STX8: variants seen among roughly 807,000 people sequenced by gnomAD.
STX8 encodes syntaxin-8.
In STX8, 23 loss-of-function variants were observed where a neutral mutation model predicts 37.5. The ratio of observed to expected loss-of-function variants is 0.61; its 90% CI spans 0.44 to 0.87. The LOEUF (loss-of-function observed/expected upper bound fraction) is 0.87, where lower values mean the gene tolerates loss of function less well. Ranked by LOEUF, STX8 falls within the 40% of genes least tolerant of loss-of-function variation. The pLI is 0.00. For synonymous variants in STX8, 115 were observed against 99.1 expected, an observed-to-expected ratio of 1.16 and a Z score of -0.95; for missense variants, 313 against 284.7, an observed-to-expected ratio of 1.10 and a Z score of -0.71.
At chr17:9,378,821 A>G (rs1353016302) in intron 6 of STX8, among the ~76,000 whole-genome samples, 168 bp from the exon 7 acceptor site, 2 of 151,250 alleles carry the variant, frequency 1.3e-5, no homozygotes, top group Non-Finnish European at 3.0e-5. Context: ...TGTAAAAGGA[A>G]AAAAAAAAGC....
intron 6 of STX8, among the ~76,000 whole-genome samples, chr17:9,436,641 G>GAAGAGCTGGCTGAAAACATCTGA (rs371994501): frequency 2.6e-5 from 4 of 152,308 alleles, no homozygotes; most frequent in Admixed American, 6.5e-5. Context: ...GGTGGATGAT[G>GAAGAGCTGGCTGAAAACATCTGA]AAGAGCTGGC....
chr17:9,308,182 A>G (rs543409069), intron 7 of STX8, among the ~76,000 whole-genome samples: 2 of 152,300 alleles, frequency 1.3e-5, no homozygotes, highest in South Asian at 4.1e-4. Context: ...TAATAGTAAT[A>G]GACTGAGTGG....
At chr17:9,330,774 T>C (rs992394131) in intron 7 of STX8, among the ~76,000 whole-genome samples, 6 of 152,144 alleles carry the variant, frequency 3.9e-5, no homozygotes, top group Non-Finnish European at 7.3e-5. Context: ...TGAGCCCCTA[T>C]TCAGAGGGGG....
intron 6 of STX8, among the ~76,000 whole-genome samples, chr17:9,479,262 G>A (rs534649622): frequency 1.1e-3 from 172 of 152,176 alleles, no homozygotes; most frequent in African/African-American, 3.7e-3. Flanking sequence ...GGCCAGGCGC[G>A]GTGGCTCACT....
intron 6 of STX8, among the ~76,000 whole-genome samples, chr17:9,425,958 G>A (rs568280883): frequency 6.6e-6 from 1 of 152,144 alleles, no homozygotes; most frequent in South Asian, 2.1e-4. Context: ...GCTGAAACAT[G>A]GCTCCAAAGT....
intron 6 of STX8, among the ~76,000 whole-genome samples, chr17:9,414,121 T>TCCAA (rs1453115655): frequency 2.1e-4 from 2 of 9,434 alleles, no homozygotes; most frequent in Non-Finnish European, 2.0e-4. Flanking sequence ...CATCCATCCA[T>TCCAA]CCATCCAACC....
intron 4 of STX8, among the ~76,000 whole-genome samples, chr17:9,525,625 C>T (rs986783684): frequency 2.0e-5 from 3 of 152,136 alleles, no homozygotes; most frequent in East Asian, 1.9e-4. Context: ...GGATTACAAG[C>T]GTGAGCCACC....
chr17:9,303,828 C>A (rs1278146117), intron 7 of STX8, among the ~76,000 whole-genome samples: 1 of 151,778 alleles, frequency 6.6e-6, no homozygotes, highest in Non-Finnish European at 1.5e-5. Context: ...CAAACAAAAC[C>A]ATTAAAGGTC....
intron 6 of STX8, among the ~76,000 whole-genome samples, chr17:9,460,140 C>T (rs1009723504): frequency 6.6e-6 from 1 of 152,104 alleles, no homozygotes; most frequent in African/African-American, 2.4e-5. Flanking sequence ...GTTGAGTATA[C>T]ATCTTTGGGA....
At chr17:9,334,393 T>C (rs1910073912) in intron 7 of STX8, among the ~76,000 whole-genome samples, 1 of 152,216 alleles carries the variant, frequency 6.6e-6, no homozygotes, top group African/African-American at 2.4e-5. Context: ...AGAGCTACTA[T>C]CATCTTTGTT....
chr17:9,295,807 G>A (rs1417489066), intron 7 of STX8, among the ~76,000 whole-genome samples: 2 of 123,710 alleles, frequency 1.6e-5, no homozygotes, highest in African/African-American at 5.2e-5. Context: ...CACTTTGGGA[G>A]GCCAAGACAG....
At position 9,250,588 on chromosome 17, in the gene STX8, G is replaced by C. The variant is rs141846328; in HGVS notation, c.701C>G (p.Pro234Arg). 1.3e-6 allele frequency: 2 copies of C among 1,595,412 alleles called. No homozygotes were observed. Among genetic ancestry groups the C allele is most frequent in the African/African-American group, 2.7e-5 (2 of 74,846 alleles). Residue 234 changes from proline (P) to arginine (R), a missense_variant, in exon 8 of 8, where the codon CCG becomes CGG. Transcript: ENST00000306357. ...LVAIVVVAVW[P>R]TN The stretch of plus-strand genomic sequence containing the variant: ...GTCTCTTTACTGCCATCAGTTGGTC[G>C]GCCAGACTGCAACAACCACGATAGC...
intron 7 of STX8, among the ~76,000 whole-genome samples, chr17:9,371,361 T>C (rs1381538901): frequency 6.6e-6 from 1 of 152,220 alleles, no homozygotes; most frequent in Non-Finnish European, 1.5e-5. Flanking sequence ...TGAATGGTAA[T>C]TGAGTTACAC....
At chr17:9,522,354 T>C (rs1239512531) in intron 4 of STX8, among the ~76,000 whole-genome samples, 1 of 151,990 alleles carries the variant, frequency 6.6e-6, no homozygotes, top group African/African-American at 2.4e-5. Context: ...GCATGCAACA[T>C]GCTTAGAAAC....
At chr17:9,365,992 AAGAG>A (rs1192961756) in intron 7 of STX8, among the ~76,000 whole-genome samples, 3 of 151,968 alleles carry the variant, frequency 2.0e-5, no homozygotes, top group African/African-American at 4.8e-5. Context: ...CAAAAACAAA[AAGAG>A]AGAGAGACAG....
chr17:9,447,399 TAGG>T (rs978126639), intron 6 of STX8, among the ~76,000 whole-genome samples: 54 of 152,264 alleles, frequency 3.5e-4, no homozygotes, highest in African/African-American at 1.3e-3. Context: ...GATAAAATCT[TAGG>T]AAGATTTTGA....
chr17:9,523,516 CT>C (rs1270649233), intron 4 of STX8, among the ~76,000 whole-genome samples: 4 of 152,088 alleles, frequency 2.6e-5, no homozygotes, highest in Admixed American at 6.6e-5. Flanking sequence ...GCAATAACAA[CT>C]CTCCATCTTC....
chr17:9,443,173 C>G lies in STX8; in HGVS notation c.541+48656G>C, dbSNP rs923998177. On this transcript the variant is annotated intron_variant, in intron 6 of 7. Coordinates refer to ENST00000306357, the MANE Select transcript of STX8 (RefSeq NM_004853.3). Reference sequence around the variant, plus strand: ...CTTGCAGGTTACCTTCAAACACAGGCTTGGGAATGTGGAGGATCATATATC... The same window carrying G: ...CTTGCAGGTTACCTTCAAACACAGGGTTGGGAATGTGGAGGATCATATATC... 2.6e-5 allele frequency among the ~76,000 whole-genome samples: 4 copies of G among 152,160 alleles called. No individual in the cohort carries two copies. In the South Asian group the frequency reaches 6.2e-4, roughly 24 times the overall value.
intron 6 of STX8, among the ~76,000 whole-genome samples, chr17:9,419,282 G>A (rs768342978): frequency 4.6e-5 from 7 of 151,850 alleles, no homozygotes; most frequent in Non-Finnish European, 8.8e-5. Context: ...TGTTGAGATC[G>A]CCCAAGGTGA....
Sources: allele counts gnomAD v4.1 joint callset (sites outside exome capture counted in the v4.1 genomes callset), GRCh38; gene constraint gnomAD v4.1.1; transcripts MANE v1.5; gene names NCBI Gene and HGNC (gene_info 2026-07-23, HGNC 2026-07-21).